Variants in ACBD6 observed in about 807,000 individuals in gnomAD.
ACBD6 encodes acyl-CoA binding domain containing 6, also known as acyl-CoA-binding domain-containing protein 6.
A neutral mutation model predicts 37.2 loss-of-function variants in ACBD6; 28 were observed. The observed-to-expected ratio is 0.75, with a 90% CI of 0.56 to 1.03. The LOEUF is 1.03. Among genes scored for constraint, ACBD6 ranks in the 50% least tolerant of loss-of-function variants. The probability of loss-of-function intolerance (pLI) is 0.00; values close to 1 mark genes in which losing one functional copy is unlikely to be tolerated. For synonymous variants in ACBD6, 113 were observed against 126.8 expected (o/e 0.89, Z 0.73); for missense variants, 340 against 337.4 (o/e 1.01, Z -0.06).
chr1:180,400,359 G>C (rs1348653322), intron 5 of ACBD6, among the ~76,000 whole-genome samples: 3 of 152,142 alleles, frequency 2.0e-5, no homozygotes, highest in Admixed American at 6.5e-5. Context: ...TTTCTGACCT[G>C]CAATGCAATT....
intron 3 of ACBD6, among the ~76,000 whole-genome samples, chr1:180,455,794 C>A (rs1245042360): frequency 6.6e-6 from 1 of 152,104 alleles, no homozygotes; most frequent in Non-Finnish European, 1.5e-5. Flanking sequence ...AAAAATACCA[C>A]CATCTTAGAA....
chr1:180,485,435 A>T (rs1651223408), intron 3 of ACBD6, among the ~76,000 whole-genome samples: 1 of 152,246 alleles, frequency 6.6e-6, no homozygotes, highest in African/African-American at 2.4e-5. Context: ...TGGGCCCTAA[A>T]TTCAATTACT....
intron 6 of ACBD6, among the ~76,000 whole-genome samples, chr1:180,325,391 T>G (rs930489246): frequency 2.0e-5 from 3 of 152,240 alleles, no homozygotes; most frequent in Admixed American, 2.0e-4. Flanking sequence ...AATTCCATTT[T>G]TCAACTCTAG....
chr1:180,324,560 T>C (rs1285340303), intron 6 of ACBD6, among the ~76,000 whole-genome samples: 1 of 152,186 alleles, frequency 6.6e-6, no homozygotes, highest in Non-Finnish European at 1.5e-5. Flanking sequence ...TGTCCCATGT[T>C]TTGAAAAGTT....
chr1:180,366,378 G>A (rs912058872), intron 6 of ACBD6, among the ~76,000 whole-genome samples: 2 of 152,070 alleles, frequency 1.3e-5, no homozygotes, highest in African/African-American at 4.8e-5. Flanking sequence ...GGTTTTCCTG[G>A]GGATAAAAAC....
intron 1 of ACBD6, among the ~76,000 whole-genome samples, chr1:180,501,228 G>C (rs1306746674): frequency 1.3e-5 from 2 of 152,182 alleles, no homozygotes; most frequent in East Asian, 3.9e-4. Context: ...AAAATTTTTA[G>C]ATTGTATCAA....
chr1:180,361,148 T>A (rs1239179527), intron 6 of ACBD6, among the ~76,000 whole-genome samples: 1 of 152,206 alleles, frequency 6.6e-6, no homozygotes, highest in East Asian at 1.9e-4. Context: ...ACTAAAAATT[T>A]CCCTGCTTTG....
chr1:180,383,046 C>T (rs926501156), intron 6 of ACBD6, among the ~76,000 whole-genome samples: 10 of 152,252 alleles, frequency 6.6e-5, no homozygotes, highest in African/African-American at 2.4e-4. Flanking sequence ...CATACCTCAA[C>T]ATATAAAAGC....
intron 6 of ACBD6, among the ~76,000 whole-genome samples, chr1:180,380,509 C>G (rs1653597993): frequency 6.6e-6 from 1 of 152,140 alleles, no homozygotes; most frequent in East Asian, 1.9e-4. Context: ...TAAAGTTGTT[C>G]CCAGACAAGC....
At chr1:180,304,494 C>T (rs1650267870) in intron 7 of ACBD6, among the ~76,000 whole-genome samples, 1 of 150,646 alleles carries the variant, frequency 6.6e-6, no homozygotes, top group South Asian at 2.1e-4. Context: ...GAGTGAACTC[C>T]CATTCACAAC....
At chr1:180,431,922 C>T (rs565151309) in intron 3 of ACBD6, among the ~76,000 whole-genome samples, 1 of 152,238 alleles carries the variant, frequency 6.6e-6, no homozygotes, top group Admixed American at 6.5e-5. Context: ...TAATCCATGA[C>T]AGGCCAGGTG....
At chr1:180,323,668 T>C (rs905571536) in intron 6 of ACBD6, among the ~76,000 whole-genome samples, 34 of 152,138 alleles carry the variant, frequency 2.2e-4, no homozygotes, top group African/African-American at 8.0e-4. Flanking sequence ...TGTCTCTTCT[T>C]ATAGTTTTTG....
At chr1:180,383,722 G>A (rs998156281) in intron 6 of ACBD6, among the ~76,000 whole-genome samples, 3 of 152,066 alleles carry the variant, frequency 2.0e-5, no homozygotes, top group Admixed American at 2.0e-4. Flanking sequence ...AAGCAATCCT[G>A]AGCAAAAAGA....
Position 180,458,573 on chromosome 1 carries a change from G to A in ACBD6, c.385-28311C>T, listed in dbSNP as rs560623137. 2.1e-4 allele frequency among the ~76,000 whole-genome samples: 32 copies of A among 152,138 alleles called. 1 individual carries two copies. Among genetic ancestry groups the A allele is most frequent in the Middle Eastern group, 3.4e-3 (1 of 294 alleles). On this transcript the variant is annotated intron_variant, in intron 3 of 7. Transcript: ENST00000367595. The stretch of plus-strand genomic sequence containing the variant: ...AGGTAGTGTGGACTGAAGGCTTCAC[G>A]GAATAAACAGGAATTAACCAGGGCC...
At chr1:180,304,423 A>T (rs960842162) in intron 7 of ACBD6, among the ~76,000 whole-genome samples, 22 of 151,110 alleles carry the variant, frequency 1.5e-4, no homozygotes, top group African/African-American at 5.1e-4. Flanking sequence ...AGGATACAAA[A>T]TCAATGTGCA....
At chr1:180,314,947 C>A (rs957289695) in intron 6 of ACBD6, among the ~76,000 whole-genome samples, 1 of 152,138 alleles carries the variant, frequency 6.6e-6, no homozygotes, top group Non-Finnish European at 1.5e-5. Flanking sequence ...AATGGAGTAA[C>A]AGGATGACCA....
chr1:180,282,062 T>C (rs1649328959), intron 8 of ACBD6, among the ~76,000 whole-genome samples: 1 of 152,220 alleles, frequency 6.6e-6, no homozygotes, highest in Non-Finnish European at 1.5e-5. Context: ...TGATTTTTCC[T>C]TTAGCCATCT....
At chr1:180,318,501 G>A (rs1358886271) in intron 6 of ACBD6, among the ~76,000 whole-genome samples, 1 of 152,032 alleles carries the variant, frequency 6.6e-6, no homozygotes, top group Non-Finnish European at 1.5e-5. Context: ...GAAAAAATCT[G>A]TACTGTGCTC....
At chr1:180,300,738 A>C (rs1158057917) in intron 7 of ACBD6, among the ~76,000 whole-genome samples, 1 of 152,162 alleles carries the variant, frequency 6.6e-6, no homozygotes, top group Non-Finnish European at 1.5e-5. Flanking sequence ...ATTTTTATTA[A>C]TGTATAAACT....
Sources: allele counts gnomAD v4.1 joint callset (sites outside exome capture counted in the v4.1 genomes callset), GRCh38; gene constraint gnomAD v4.1.1; transcripts MANE v1.5; gene names NCBI Gene and HGNC (gene_info 2026-07-23, HGNC 2026-07-21).